Variants in SARDH observed in about 807,000 individuals in gnomAD.
The protein encoded by SARDH is sarcosine dehydrogenase, mitochondrial.
A neutral mutation model predicts 109.1 loss-of-function variants in SARDH; 95 were observed. That is an observed-to-expected ratio of 0.87 (90% confidence interval 0.74 to 1.03). The LOEUF (loss-of-function observed/expected upper bound fraction) is 1.03. SARDH is among the 50% of genes least tolerant of loss of function. The probability of loss-of-function intolerance (pLI) is 0.00; values close to 1 mark genes in which losing one functional copy is unlikely to be tolerated. For synonymous variants in SARDH, 572 were observed against 534.8 expected (o/e 1.07, Z -0.96); for missense variants, 1,267 against 1,287.8 (o/e 0.98, Z 0.25).
chr9:133,667,728 T>C (rs113418710), intron 19 of SARDH, among the ~76,000 whole-genome samples: 41 of 152,244 alleles, frequency 2.7e-4, no homozygotes, highest in African/African-American at 8.4e-4. Context: ...GGGGTGATGT[T>C]GAGGGCACCT....
chr9:133,720,633 C>T (rs1379498642), intron 6 of SARDH, among the ~76,000 whole-genome samples: 2 of 148,402 alleles, frequency 1.3e-5, no homozygotes, highest in Non-Finnish European at 3.0e-5. Flanking sequence ...GCATGTCTTA[C>T]ATGGCAGCAG....
At chr9:133,668,012 C>A (rs1035068492) in intron 19 of SARDH, among the ~76,000 whole-genome samples, 6 of 152,048 alleles carry the variant, frequency 3.9e-5, no homozygotes, top group Non-Finnish European at 8.8e-5. Context: ...GACAGGAAAC[C>A]CCTGAGCAGA....
chr9:133,715,335 T>C (rs1371593414), intron 8 of SARDH, among the ~76,000 whole-genome samples: 6 of 151,972 alleles, frequency 3.9e-5, no homozygotes, highest in Admixed American at 3.9e-4. Flanking sequence ...AAGAGAAAGA[T>C]AGAGAGAGAC....
In SARDH at chr9:133,712,274, A is replaced by G. The variant is rs1337696493; in HGVS notation, c.1328+345T>C. Among the ~76,000 whole-genome samples, 1 of 152,104 alleles carries G rather than the reference A, an allele frequency of 6.6e-6. No homozygotes were observed. The highest frequency in any genetic ancestry group is 1.9e-4 in the East Asian group (1 of 5,160). ...AAGCCGCGGCATACACACTCAGCAC[A>G]GTTTTCCCAGCTCAGCCCCGCTCCC... On this transcript the variant is annotated intron_variant, in intron 10 of 20. Transcript: ENST00000439388. This position sits in a 1 kb window ranked among gnomAD's most constrained non-coding sequence, Gnocchi z 4.1.
intron 14 of SARDH, among the ~76,000 whole-genome samples, chr9:133,695,121 A>G (rs748812314): frequency 1.5e-4 from 23 of 152,282 alleles, no homozygotes; most frequent in Non-Finnish European, 3.1e-4. Flanking sequence ...GGTTAAAGTG[A>G]GGTCATGAGT....
At chr9:133,680,540 C>A (rs1343554691) in intron 17 of SARDH, among the ~76,000 whole-genome samples, 1 of 152,236 alleles carries the variant, frequency 6.6e-6, no homozygotes, top group East Asian at 1.9e-4. Context: ...AACATTGACA[C>A]TAAGGGCCCA....
chr9:133,690,263 G>A, intron 16 of SARDH, 117 bp downstream of exon 16: 2 of 1,151,236 alleles, frequency 1.7e-6, no homozygotes, highest in East Asian at 2.4e-5. Context: ...GTTTACCAGA[G>A]CGCTTAACTA....
intron 14 of SARDH, 41 bp from the exon 15 acceptor site, chr9:133,694,412 C>A: frequency 6.7e-7 from 1 of 1,495,156 alleles, no homozygotes; most frequent in Non-Finnish European, 9.1e-7. Flanking sequence ...GCTGAGGCCC[C>A]AGCCGGGTCT....
intron 6 of SARDH, among the ~76,000 whole-genome samples, chr9:133,721,762 T>C (rs1407316096): frequency 6.6e-6 from 1 of 152,206 alleles, no homozygotes. Flanking sequence ...TATATACACA[T>C]GCAAATACCC....
intron 16 of SARDH, among the ~76,000 whole-genome samples, chr9:133,689,813 C>T (rs1372332915): frequency 2.6e-5 from 4 of 152,130 alleles, no homozygotes; most frequent in Non-Finnish European, 2.9e-5. Flanking sequence ...CTCAGCCGTC[C>T]TTTTGCCCAA....
At chr9:133,724,180 TG>T (rs1321756599) in intron 6 of SARDH, among the ~76,000 whole-genome samples, 2 of 152,020 alleles carry the variant, frequency 1.3e-5, no homozygotes, top group African/African-American at 2.4e-5. Flanking sequence ...TTCTGGATTC[TG>T]GGGGAAAAAA....
At chr9:133,703,592 GC>G (rs1489169594) in intron 12 of SARDH, 2 of 155,608 alleles carry the variant, frequency 1.3e-5, no homozygotes, top group African/African-American at 4.8e-5. Flanking sequence ...CCTGGGATCT[GC>G]CCCCATCAGA....
Position 133,733,993 on chromosome 9 carries a change from G to A in SARDH, c.181C>T (p.Arg61Trp), listed in dbSNP as rs372309291. Residue 61 changes from arginine to tryptophan, a missense_variant, in exon 2 of 21, where the codon CGG becomes TGG. Transcript: ENST00000439388. Reference sequence around the variant, plus strand: ...ACGTTGGCCGTGCTGGGCAGGGGCCGGCTTGGGCCTTGGGCCACCACCGAG... The same window carrying A: ...ACGTTGGCCGTGCTGGGCAGGGGCCAGCTTGGGCCTTGGGCCACCACCGAG... ...GTSVVAQGPS[R>W]PLPSTANVVV... 1.1e-4 allele frequency: 181 copies of A among 1,612,690 alleles called. No homozygotes were observed. The highest frequency in any genetic ancestry group is 2.2e-4 in the East Asian group (10 of 44,876).
chr9:133,720,456 AG>A (rs1160685147), intron 6 of SARDH, among the ~76,000 whole-genome samples: 9 of 152,238 alleles, frequency 5.9e-5, no homozygotes, highest in African/African-American at 2.2e-4. Context: ...AACCACAACA[AG>A]AACATCAGGA....
intron 14 of SARDH, among the ~76,000 whole-genome samples, chr9:133,695,892 G>A (rs1343584066): frequency 6.6e-6 from 1 of 152,200 alleles, no homozygotes. Flanking sequence ...AATCCCACCT[G>A]TGAGAGCATG....
intron 13 of SARDH, among the ~76,000 whole-genome samples, 177 bp downstream of exon 13, chr9:133,702,739 G>A (rs999897336): frequency 6.6e-6 from 1 of 152,146 alleles, no homozygotes; most frequent in Non-Finnish European, 1.5e-5. Flanking sequence ...AGGAGGGGGA[G>A]AGGAAAACGC....
At chr9:133,707,511 G>A (rs116859891) in intron 11 of SARDH, among the ~76,000 whole-genome samples, 57 of 152,262 alleles carry the variant, frequency 3.7e-4, no homozygotes, top group Admixed American at 8.5e-4. Context: ...CTCTCTTGGG[G>A]CCAGACACTG....
intron 16 of SARDH, among the ~76,000 whole-genome samples, chr9:133,688,200 G>A (rs1050540272): frequency 2.0e-5 from 3 of 152,144 alleles, no homozygotes; most frequent in Non-Finnish European, 4.4e-5. Flanking sequence ...GAAATGAAAA[G>A]CACACAGCAT....
intron 1 of SARDH, among the ~76,000 whole-genome samples, chr9:133,734,651 G>C (rs1448762506): frequency 6.6e-6 from 1 of 152,164 alleles, no homozygotes; most frequent in Non-Finnish European, 1.5e-5. Context: ...TGGGTGGCGT[G>C]GCTGGCAGAG....
Sources: allele counts gnomAD v4.1 joint callset (sites outside exome capture counted in the v4.1 genomes callset), GRCh38; gene constraint gnomAD v4.1.1; non-coding constraint Gnocchi (gnomAD v3.1); transcripts MANE v1.5; gene names NCBI Gene and HGNC (gene_info 2026-07-23, HGNC 2026-07-21).